The following PIP5K1B variants were observed in gnomAD, a reference collection of about 807,000 sequenced individuals.
PIP5K1B encodes phosphatidylinositol-4-phosphate 5-kinase type 1 beta, also known as phosphatidylinositol 4-phosphate 5-kinase type-1 beta.
PIP5K1B carries 42 observed loss-of-function variants against 67.0 expected under a neutral mutation model. That is an observed-to-expected ratio of 0.63 (90% CI 0.49 to 0.81). The LOEUF (loss-of-function observed/expected upper bound fraction) is 0.81. Among genes scored for constraint, PIP5K1B ranks in the 30% least tolerant of loss-of-function variants. PIP5K1B has a pLI of 0.00. For synonymous variants in PIP5K1B, 214 were observed against 231.4 expected (o/e 0.92, Z 0.68); for missense variants, 459 against 646.3 (o/e 0.71, Z 3.14).
At chr9:68,969,715 C>T (rs1485261194) in intron 14 of PIP5K1B, among the ~76,000 whole-genome samples, 2 of 152,162 alleles carry the variant, frequency 1.3e-5, no homozygotes, top group Non-Finnish European at 2.9e-5. Context: ...CGAGGCCCTT[C>T]CGGGAATTGC....
chr9:68,780,665 C>T (rs770310925), intron 2 of PIP5K1B: 1 of 1,614,208 alleles, frequency 6.2e-7, no homozygotes, highest in Non-Finnish European at 8.5e-7. Context: ...TTGTAAGTAG[C>T]AACGGATTGC....
intron 2 of PIP5K1B, among the ~76,000 whole-genome samples, chr9:68,812,348 T>C (rs533794690): frequency 1.3e-5 from 2 of 152,318 alleles, no homozygotes; most frequent in African/African-American, 4.8e-5. Context: ...TAGAAAGCTA[T>C]GAAATAGTAT....
At chr9:68,946,759 C>T (rs1026051435) in intron 14 of PIP5K1B, among the ~76,000 whole-genome samples, 117 of 152,262 alleles carry the variant, frequency 7.7e-4, no homozygotes, top group African/African-American at 2.8e-3. Flanking sequence ...CCCCCACCAC[C>T]TCAGATGGTG....
Position 69,007,867 on chromosome 9 carries a change from A to C in PIP5K1B, c.1621-580A>C, listed in dbSNP as rs532669463. Among the ~76,000 whole-genome samples the C allele has an allele frequency of 3.9e-5, 6 of 152,224 alleles. No homozygotes were observed. In the East Asian group the frequency reaches 1.2e-3, roughly 29 times the overall value. On this transcript the variant is annotated intron_variant, in intron 15 of 15. Coordinates refer to ENST00000265382, the MANE Select transcript of PIP5K1B (RefSeq NM_003558.4). ...GTGAGACTCCATCTAAAAAAAAAAAAAATAGGAAATCAGATGATTTGACCC... is the reference window on the plus strand; with the variant it reads ...GTGAGACTCCATCTAAAAAAAAAAACAATAGGAAATCAGATGATTTGACCC...
chr9:68,715,571 C>T (rs949503048), intron 1 of PIP5K1B, among the ~76,000 whole-genome samples: 3 of 152,274 alleles, frequency 2.0e-5, no homozygotes, highest in African/African-American at 7.2e-5. Flanking sequence ...ACCAGTGGTT[C>T]CCTCTCCAGG....
chr9:68,907,852 TA>T (rs1825689164), intron 8 of PIP5K1B, among the ~76,000 whole-genome samples: 1 of 152,260 alleles, frequency 6.6e-6, no homozygotes, highest in South Asian at 2.1e-4. Context: ...GCTTAGAGTT[TA>T]AACACTAAGT....
intron 14 of PIP5K1B, among the ~76,000 whole-genome samples, chr9:68,987,664 G>A (rs1004972820): frequency 6.6e-6 from 1 of 152,182 alleles, no homozygotes; most frequent in Non-Finnish European, 1.5e-5. Context: ...CCGAGACTGG[G>A]AAGAAAAATA....
At chr9:68,884,050 TAGA>T (rs1298213775) in intron 6 of PIP5K1B, among the ~76,000 whole-genome samples, 1 of 152,130 alleles carries the variant, frequency 6.6e-6, no homozygotes, top group Non-Finnish European at 1.5e-5. Flanking sequence ...GTAAAACTAC[TAGA>T]AGAACACATA....
At chr9:68,889,434 T>C (rs776605247) in intron 7 of PIP5K1B, among the ~76,000 whole-genome samples, 1 of 152,152 alleles carries the variant, frequency 6.6e-6, no homozygotes, top group Non-Finnish European at 1.5e-5. Flanking sequence ...CCTCAGTCTT[T>C]AAAGGCTGAG....
chr9:68,793,227 CAT>C (rs1470790989), intron 2 of PIP5K1B, among the ~76,000 whole-genome samples: 2 of 133,800 alleles, frequency 1.5e-5, no homozygotes, highest in African/African-American at 5.2e-5. Flanking sequence ...TTATTGCAAA[CAT>C]AGGTGGCATA....
At chr9:68,812,883 A>T (rs1833244140) in intron 2 of PIP5K1B, among the ~76,000 whole-genome samples, 1 of 152,230 alleles carries the variant, frequency 6.6e-6, no homozygotes, top group African/African-American at 2.4e-5. Context: ...GGGGAAGATG[A>T]ATGAAAAAAG....
chr9:68,779,258 G>A (rs1242029361), intron 2 of PIP5K1B, among the ~76,000 whole-genome samples: 2 of 152,150 alleles, frequency 1.3e-5, no homozygotes, highest in East Asian at 1.9e-4. Flanking sequence ...GGACCTACTG[G>A]TTTAATCCTT....
intron 15 of PIP5K1B, among the ~76,000 whole-genome samples, chr9:69,007,867 A>AG (rs1564315146): frequency 6.6e-6 from 1 of 152,106 alleles, no homozygotes; most frequent in Non-Finnish European, 1.5e-5. Flanking sequence ...AAAAAAAAAA[A>AG]AATAGGAAAT....
chr9:68,712,238 C>T (rs572099625), intron 1 of PIP5K1B, among the ~76,000 whole-genome samples: 5 of 152,224 alleles, frequency 3.3e-5, no homozygotes, highest in African/African-American at 1.2e-4. Context: ...ACATGGACTC[C>T]CCCTTCACCT....
intron 15 of PIP5K1B, among the ~76,000 whole-genome samples, chr9:69,007,761 G>A (rs1330496359): frequency 2.6e-5 from 4 of 152,098 alleles, no homozygotes; most frequent in Non-Finnish European, 5.9e-5. Context: ...GGAGGCTGAG[G>A]CAGGAGAATC....
At chr9:68,920,803 T>TAC (rs59573461) in intron 11 of PIP5K1B, among the ~76,000 whole-genome samples, 16,451 of 141,408 alleles carry the variant, frequency 0.12, 1,249 homozygotes, top group East Asian at 0.43. Context: ...TACACACACA[T>TAC]ACACACACAC....
At chr9:68,849,864 T>C (rs1822393499) in intron 4 of PIP5K1B, among the ~76,000 whole-genome samples, 3 of 152,234 alleles carry the variant, frequency 2.0e-5, no homozygotes, top group Admixed American at 6.5e-5. Context: ...AATTTACCTT[T>C]CTAAATTGAG....
intron 4 of PIP5K1B, among the ~76,000 whole-genome samples, chr9:68,825,081 T>C (rs959958723): frequency 5.9e-5 from 9 of 152,254 alleles, no homozygotes; most frequent in African/African-American, 1.9e-4. Context: ...ACATATGGTT[T>C]ATACATATTT....
At chr9:68,824,047 A>G in intron 4 of PIP5K1B, 1 of 515,736 alleles carries the variant, frequency 1.9e-6, no homozygotes. Flanking sequence ...TATTTTATAA[A>G]ATTTGTACAT....
Sources: allele counts gnomAD v4.1 joint callset (sites outside exome capture counted in the v4.1 genomes callset), GRCh38; gene constraint gnomAD v4.1.1; transcripts MANE v1.5; gene names NCBI Gene and HGNC (gene_info 2026-07-23, HGNC 2026-07-21).